CDK14: variants seen among roughly 807,000 people sequenced by gnomAD.
The protein encoded by CDK14 is cyclin dependent kinase 14.
CDK14 carries 34 observed loss-of-function variants against 60.7 expected under a neutral mutation model. The ratio of observed to expected loss-of-function variants is 0.56; its 90% CI spans 0.43 to 0.75. The LOEUF is 0.75. CDK14 is among the 30% of genes least tolerant of loss of function. The pLI is 0.00. For synonymous variants in CDK14, 197 were observed against 203.7 expected (o/e 0.97, Z 0.28); for missense variants, 482 against 564.1 (o/e 0.85, Z 1.47).
chr7:91,208,191 A>G lies in CDK14; in HGVS notation c.*1055A>G, dbSNP rs1023054734. ...CATTCCAAGCCAATTGGAAGACATC[A>G]TTGGGTTCTTACTTTAAGACATCTC... is the stretch of plus-strand genomic sequence containing the variant. On this transcript the variant is annotated 3_prime_UTR_variant, in exon 15 of 15. Coordinates refer to ENST00000380050, the MANE Select transcript of CDK14 (RefSeq NM_001287135.2). 6 of 152,686 alleles carry G rather than the reference A, an allele frequency of 3.9e-5. No homozygotes were observed. Among genetic ancestry groups the G allele is most frequent in the African/African-American group, 1.4e-4 (6 of 41,472 alleles). 9.5% of individuals were successfully genotyped at this position (152,686 alleles called of 1,614,324 possible).
chr7:90,889,977 TTTG>T (rs1205099798), intron 6 of CDK14, among the ~76,000 whole-genome samples: 2 of 152,212 alleles, frequency 1.3e-5, no homozygotes, highest in African/African-American at 2.4e-5. Context: ...ATGGCTTGTT[TTTG>T]TTGTTAAAGA....
At chr7:91,174,128 T>C (rs1204590803) in intron 14 of CDK14, among the ~76,000 whole-genome samples, 1 of 151,616 alleles carries the variant, frequency 6.6e-6, no homozygotes, top group Non-Finnish European at 1.5e-5. Flanking sequence ...GCAGACTGCC[T>C]CCTCAAGTGG....
chr7:90,955,894 C>T, intron 9 of CDK14, 77 bp downstream of exon 9: 2 of 1,534,394 alleles, frequency 1.3e-6, no homozygotes, highest in Admixed American at 1.7e-5. Context: ...AACATCCTAA[C>T]AGTTTGAATG....
chr7:91,177,148 G>A (rs939375544), intron 14 of CDK14, among the ~76,000 whole-genome samples: 2 of 151,432 alleles, frequency 1.3e-5, no homozygotes, highest in Non-Finnish European at 2.9e-5. Context: ...TGCAAGGCTG[G>A]TTCAATATAT....
At chr7:91,108,276 C>T (rs1335671045) in intron 12 of CDK14, among the ~76,000 whole-genome samples, 1 of 152,172 alleles carries the variant, frequency 6.6e-6, no homozygotes, top group Non-Finnish European at 1.5e-5. Context: ...CACTGCACTC[C>T]AGCCTGGGCA....
intron 7 of CDK14, among the ~76,000 whole-genome samples, chr7:90,909,980 C>T (rs997553611): frequency 1.3e-5 from 2 of 152,132 alleles, no homozygotes; most frequent in African/African-American, 4.8e-5. Flanking sequence ...TCCAGCTACT[C>T]AAATTTTCCA....
intron 8 of CDK14, among the ~76,000 whole-genome samples, chr7:90,943,402 G>A (rs1793992138): frequency 6.6e-6 from 1 of 152,160 alleles, no homozygotes; most frequent in South Asian, 2.1e-4. Flanking sequence ...TGCCAAGTGA[G>A]CTGAATAGAG....
chr7:90,844,572 T>C (rs1336774679), intron 5 of CDK14, among the ~76,000 whole-genome samples: 7 of 152,204 alleles, frequency 4.6e-5, no homozygotes, highest in African/African-American at 1.4e-4. Flanking sequence ...ATCTGTTTTC[T>C]GGCTGTGTTC....
intron 6 of CDK14, among the ~76,000 whole-genome samples, chr7:90,895,519 CCT>C (rs1792305216): frequency 5.0e-5 from 1 of 19,988 alleles, no homozygotes; most frequent in Non-Finnish European, 9.7e-5. Context: ...CCTTCCCCTC[CCT>C]TCCCCTCCCT....
rs111918409 is a variant in CDK14, at chr7:90,663,095, AACACACACACACACAC to A, written c.123+58869_123+58884del. 4.3e-4 allele frequency among the ~76,000 whole-genome samples: 57 copies of A among 132,056 alleles called. 3 individuals are homozygous for A. In the East Asian group the frequency reaches 9.2e-3, roughly 21 times the overall value. The allele number at this position is 132,056 out of a possible 152,430, so 86.6% of individuals were successfully genotyped here. A position where few individuals can be genotyped will look rare whatever the true frequency, so the allele number is the denominator to read the frequency against. ...TTGGGGTGATTGGAACTAAGATGGG[AACACACACACACACAC>A]ACACACACACACACACACACACGTA... is the stretch of plus-strand genomic sequence containing the variant. On this transcript the variant is annotated intron_variant, in intron 2 of 14. Transcript: ENST00000380050.
chr7:90,683,980 A>G (rs1370805027), intron 2 of CDK14, among the ~76,000 whole-genome samples: 2 of 152,122 alleles, frequency 1.3e-5, no homozygotes, highest in East Asian at 3.9e-4. Flanking sequence ...ATATATGCAC[A>G]TGCATGTGCA....
chr7:91,070,589 C>T (rs1329437115), intron 11 of CDK14, among the ~76,000 whole-genome samples: 2 of 151,956 alleles, frequency 1.3e-5, no homozygotes, highest in Non-Finnish European at 2.9e-5. Context: ...TGAAACTTCA[C>T]CTCTACCAAA....
At chr7:90,721,006 T>TTA (rs1280692792) in intron 2 of CDK14, among the ~76,000 whole-genome samples, 1 of 152,194 alleles carries the variant, frequency 6.6e-6, no homozygotes, top group Admixed American at 6.5e-5. Flanking sequence ...TTTAACTTCT[T>TTA]TAAAAAAATG....
At chr7:90,789,465 A>C (rs1209595862) in intron 4 of CDK14, among the ~76,000 whole-genome samples, 1 of 152,118 alleles carries the variant, frequency 6.6e-6, no homozygotes, top group Admixed American at 6.6e-5. Context: ...ATCTAGATTC[A>C]ACCAAATTTG....
At chr7:91,022,384 T>C (rs1282711849) in intron 10 of CDK14, among the ~76,000 whole-genome samples, 3 of 151,362 alleles carry the variant, frequency 2.0e-5, no homozygotes, top group Non-Finnish European at 4.4e-5. Context: ...GCAGCCCTGG[T>C]TTCTATCAAC....
intron 11 of CDK14, among the ~76,000 whole-genome samples, chr7:91,072,112 C>G (rs697397): frequency 0.57 from 86,623 of 152,056 alleles, 25,893 homozygotes; most frequent in East Asian, 0.89. Flanking sequence ...ACCCAGGCAG[C>G]CCAGATGAGT....
intron 2 of CDK14, among the ~76,000 whole-genome samples, chr7:90,687,993 T>C (rs1391777402): frequency 6.6e-6 from 1 of 152,164 alleles, no homozygotes; most frequent in Non-Finnish European, 1.5e-5. Flanking sequence ...AACCACAAGA[T>C]TTGACAAGTG....
At chr7:90,617,478 A>G (rs918685637) in intron 2 of CDK14, among the ~76,000 whole-genome samples, 1 of 152,182 alleles carries the variant, frequency 6.6e-6, no homozygotes, top group African/African-American at 2.4e-5. Context: ...TTAGGCCTAA[A>G]AAAGGCCTAA....
At chr7:90,649,326 TTCC>T in intron 2 of CDK14, among the ~76,000 whole-genome samples, 3 of 42,724 alleles carry the variant, frequency 7.0e-5, no homozygotes, top group Non-Finnish European at 1.1e-4. Flanking sequence ...CCTTCCTTCC[TTCC>T]TTCCTTCCTT....
Sources: gnomAD v4.1 joint callset for allele counts (sites outside exome capture counted in the v4.1 genomes callset) on GRCh38, gnomAD v4.1.1 for gene constraint, MANE v1.5 for transcripts, NCBI Gene and HGNC (gene_info 2026-07-23, HGNC 2026-07-21) for gene names.